Variants in GTF2F2 observed in about 807,000 individuals in gnomAD.
GTF2F2 encodes general transcription factor IIF subunit 2.
GTF2F2 carries 23 observed loss-of-function variants against 42.2 expected under a neutral mutation model. That is an observed-to-expected ratio of 0.55 (90% CI 0.39 to 0.77). GTF2F2 has a LOEUF of 0.77. Among genes scored for constraint, GTF2F2 ranks in the 30% least tolerant of loss-of-function variants. The pLI is 0.00. For missense variants in GTF2F2, 261 were observed against 287.2 expected (o/e 0.91, Z 0.66); for synonymous variants, 105 against 100.8 (o/e 1.04, Z -0.25).
intron 1 of GTF2F2, among the ~76,000 whole-genome samples, chr13:45,122,087 C>T (rs1458922580): frequency 2.0e-5 from 3 of 152,168 alleles, no homozygotes; most frequent in Non-Finnish European, 4.4e-5. Context: ...AATATATAAT[C>T]AGCATGGCGT....
chr13:45,226,058 GAAA>G (rs556429871), intron 5 of GTF2F2, among the ~76,000 whole-genome samples: 1 of 142,178 alleles, frequency 7.0e-6, no homozygotes. Context: ...ATTATATCCG[GAAA>G]AAAAAAAAAG....
intron 5 of GTF2F2, among the ~76,000 whole-genome samples, chr13:45,229,772 C>G (rs1874576857): frequency 6.6e-6 from 1 of 152,142 alleles, no homozygotes; most frequent in African/African-American, 2.4e-5. Flanking sequence ...ATTCAGAACA[C>G]TTAGAAGGAC....
chr13:45,179,213 A>C (rs374299238), intron 4 of GTF2F2, among the ~76,000 whole-genome samples: 1 of 152,216 alleles, frequency 6.6e-6, no homozygotes, highest in African/African-American at 2.4e-5. Flanking sequence ...GCGGTGTGCA[A>C]GTACAGGGAA....
At chr13:45,254,141 G>A (rs1292497803) in intron 6 of GTF2F2, among the ~76,000 whole-genome samples, 2 of 151,542 alleles carry the variant, frequency 1.3e-5, no homozygotes, top group Non-Finnish European at 2.9e-5. Flanking sequence ...GTGAGAGAGA[G>A]AGAGACCACA....
intron 4 of GTF2F2, among the ~76,000 whole-genome samples, chr13:45,190,659 C>G (rs892691472): frequency 2.0e-5 from 3 of 152,164 alleles, no homozygotes; most frequent in Non-Finnish European, 4.4e-5. Flanking sequence ...TGGTATCCGG[C>G]ATATAGTAAA....
In GTF2F2 at chr13:45,269,742, A is replaced by T. The variant is rs1435583412; in HGVS notation, c.630+2366A>T. The stretch of plus-strand genomic sequence containing the variant: ...GACAAGGTACTTAAATACATTTAAT[A>T]CATTACTTATATTTAGTTCACTTAA... On this transcript the variant is annotated intron_variant, in intron 7 of 7. Coordinates refer to ENST00000340473, the MANE Select transcript of GTF2F2 (RefSeq NM_004128.3). 2.0e-5 allele frequency among the ~76,000 whole-genome samples: 3 copies of T among 152,248 alleles called. 1 individual carries two copies. Among genetic ancestry groups the T allele is most frequent in the South Asian group, 4.1e-4 (2 of 4,832 alleles).
At chr13:45,194,158 G>T (rs1219311051) in intron 4 of GTF2F2, 4 of 1,614,054 alleles carry the variant, frequency 2.5e-6, no homozygotes, top group South Asian at 2.2e-5. Context: ...AGTCTCTCTG[G>T]GTGTTAGCTG....
chr13:45,234,653 C>G (rs1413869915), intron 5 of GTF2F2, among the ~76,000 whole-genome samples: 2 of 152,092 alleles, frequency 1.3e-5, no homozygotes, highest in African/African-American at 2.4e-5. Flanking sequence ...TGCATGTTGG[C>G]CAGGTAACTT....
chr13:45,253,885 C>T lies in GTF2F2; in HGVS notation c.486+915C>T, dbSNP rs921132947. Among the ~76,000 whole-genome samples, 11 of 152,116 alleles carry T rather than the reference C, an allele frequency of 7.2e-5. No homozygotes were observed. In the East Asian group the frequency reaches 2.1e-3, roughly 29 times the overall value. ...GGTCAGGAGATCGAGACCATCCTGG[C>T]TAACACAGTGAACCCCGTCTCTACT... On this transcript the variant is annotated intron_variant, in intron 6 of 7. Coordinates refer to ENST00000340473, the MANE Select transcript of GTF2F2 (RefSeq NM_004128.3).
intron 4 of GTF2F2, among the ~76,000 whole-genome samples, chr13:45,158,648 T>G (rs1233853893): frequency 6.6e-6 from 1 of 152,184 alleles, no homozygotes; most frequent in Non-Finnish European, 1.5e-5. Flanking sequence ...GATCCAGCCT[T>G]TGTTGATTCT....
chr13:45,133,816 TA>T (rs1869482906), intron 1 of GTF2F2, among the ~76,000 whole-genome samples: 1 of 152,182 alleles, frequency 6.6e-6, no homozygotes, highest in Non-Finnish European at 1.5e-5. Context: ...CACCCCTTTT[TA>T]AAGTGTGTAT....
At chr13:45,200,854 T>C (rs1873147678) in intron 4 of GTF2F2, among the ~76,000 whole-genome samples, 1 of 152,090 alleles carries the variant, frequency 6.6e-6, no homozygotes, top group African/African-American at 2.4e-5. Context: ...TTCTTCAGTC[T>C]TTTCCCAGAG....
chr13:45,135,783 A>G (rs538018312), intron 1 of GTF2F2, among the ~76,000 whole-genome samples: 1 of 152,322 alleles, frequency 6.6e-6, no homozygotes, highest in Admixed American at 6.5e-5. Flanking sequence ...TCATGAAAAA[A>G]TAATGACACT....
chr13:45,133,915 G>A (rs1362255846), intron 1 of GTF2F2, among the ~76,000 whole-genome samples: 1 of 152,154 alleles, frequency 6.6e-6, no homozygotes, highest in Non-Finnish European at 1.5e-5. Flanking sequence ...ATATCCTCCT[G>A]TATACACCCC....
Position 45,256,775 on chromosome 13 carries a change from A to C in GTF2F2, c.486+3805A>C, listed in dbSNP as rs555496028. Among the ~76,000 whole-genome samples, 4 of 152,260 alleles carry C rather than the reference A, an allele frequency of 2.6e-5. No individual in the cohort carries two copies. In the South Asian group the frequency reaches 8.3e-4, roughly 32 times the overall value. ...CAGGTCAGCAAGAATGATTTAGAGG[A>C]AGCATAATAAAGACTTTTAATAAAA... On this transcript the variant is annotated intron_variant, in intron 6 of 7. Coordinates refer to ENST00000340473, the MANE Select transcript of GTF2F2 (RefSeq NM_004128.3).
chr13:45,128,201 C>G (rs1593443320), intron 1 of GTF2F2, among the ~76,000 whole-genome samples: 1 of 147,030 alleles, frequency 6.8e-6, no homozygotes, highest in Middle Eastern at 3.5e-3. Context: ...ACCTCGTGAT[C>G]CGCCTGCCTC....
intron 6 of GTF2F2, among the ~76,000 whole-genome samples, chr13:45,263,414 G>C (rs907235397): frequency 2.0e-5 from 3 of 152,030 alleles, no homozygotes; most frequent in Admixed American, 2.0e-4. Context: ...ATTTTTAGTA[G>C]AGACAGGGTT....
chr13:45,205,627 C>G (rs1873382209), intron 4 of GTF2F2, among the ~76,000 whole-genome samples: 1 of 152,144 alleles, frequency 6.6e-6, no homozygotes, highest in Non-Finnish European at 1.5e-5. Context: ...TCAAGCGATT[C>G]CCTTGCCTCA....
At chr13:45,158,872 G>A (rs1418225712) in intron 4 of GTF2F2, among the ~76,000 whole-genome samples, 1 of 152,154 alleles carries the variant, frequency 6.6e-6, no homozygotes. Context: ...GTACTCTAAT[G>A]GTACTTTTTA....
Sources: gnomAD v4.1 joint callset for allele counts (sites outside exome capture counted in the v4.1 genomes callset) on GRCh38, gnomAD v4.1.1 for gene constraint, MANE v1.5 for transcripts, NCBI Gene and HGNC (gene_info 2026-07-23, HGNC 2026-07-21) for gene names.